ABCA13: variants seen among roughly 807,000 people sequenced by gnomAD.
ABCA13 encodes the protein ATP binding cassette subfamily A member 13, also known as ATP-binding cassette sub-family A member 13.
Under a neutral mutation model 478.7 loss-of-function variants are expected in ABCA13, and 476 were observed. The ratio of observed to expected loss-of-function variants is 0.99; its 90% CI spans 0.92 to 1.07. The LOEUF is 1.07. Among genes scored for constraint, ABCA13 ranks in the 50% least tolerant of loss-of-function variants. The pLI, the probability that ABCA13 is intolerant of heterozygous loss-of-function variation, is 0.00. For missense variants in ABCA13, 6,060 were observed against 5,910.6 expected (o/e 1.03, Z -0.83); for synonymous variants, 2,252 against 2,158.9 (o/e 1.04, Z -1.20).
At chr7:48,506,557 A>G (rs1831227947) in intron 49 of ABCA13, among the ~76,000 whole-genome samples, 167 bp downstream of exon 49, 1 of 152,206 alleles carries the variant, frequency 6.6e-6, no homozygotes. Flanking sequence ...AAAGTGTGAG[A>G]AAAACGACTA....
At chr7:48,187,972 C>G (rs1282360203) in intron 1 of ABCA13, among the ~76,000 whole-genome samples, 1 of 152,040 alleles carries the variant, frequency 6.6e-6, no homozygotes, top group African/African-American at 2.4e-5. Context: ...TTATTGCCAC[C>G]TATACTTGGG....
intron 23 of ABCA13, among the ~76,000 whole-genome samples, chr7:48,308,394 T>A (rs766093483): frequency 1.3e-5 from 2 of 152,198 alleles, no homozygotes; most frequent in African/African-American, 4.8e-5. Context: ...AAAATAATGA[T>A]AATATAGTAT....
intron 42 of ABCA13, among the ~76,000 whole-genome samples, chr7:48,432,920 A>G (rs1414063878): frequency 6.6e-6 from 1 of 152,092 alleles, no homozygotes. Flanking sequence ...ACTGTAGTTA[A>G]TAACGTTTTG....
chr7:48,523,343 G>T (rs1248630446), intron 53 of ABCA13, among the ~76,000 whole-genome samples: 1 of 152,114 alleles, frequency 6.6e-6, no homozygotes. Context: ...CTGGGAGCTT[G>T]CCATGGATAT....
chr7:48,373,053 G>A (rs753817268), intron 33 of ABCA13, among the ~76,000 whole-genome samples: 1 of 152,152 alleles, frequency 6.6e-6, no homozygotes, highest in Non-Finnish European at 1.5e-5. Context: ...CACATAGTAG[G>A]AACTCAATCA....
rs370917914 is a variant in ABCA13, at chr7:48,352,326, C to T, written c.10527C>T (p.His3509=). The change falls in exon 31 of 62, where the codon CAC becomes CAT. Residue 3509 remains histidine, a synonymous_variant. Transcript: ENST00000435803. ...DVVKNPSWKF[H]PQNLPADGFK... is the part of the protein sequence containing the mutation. Reference sequence around the variant, plus strand: ...TAAAAAACCCTTCTTGGAAGTTCCACCCTCAGAATCTACCAGCTGATGGGT... The same window carrying T: ...TAAAAAACCCTTCTTGGAAGTTCCATCCTCAGAATCTACCAGCTGATGGGT... 15 of 1,613,828 alleles carry T rather than the reference C, an allele frequency of 9.3e-6. No homozygotes were observed. In the African/African-American group the frequency reaches 1.2e-4, roughly 13 times the overall value.
chr7:48,462,955 T>C (rs916254477), intron 43 of ABCA13, among the ~76,000 whole-genome samples: 1 of 152,200 alleles, frequency 6.6e-6, no homozygotes, highest in Non-Finnish European at 1.5e-5. Flanking sequence ...GATTTCTTTT[T>C]CCTTTTTGTC....
intron 1 of ABCA13, 129 bp downstream of exon 1, chr7:48,171,681 T>A: frequency 9.6e-7 from 1 of 1,045,026 alleles, no homozygotes. Flanking sequence ...TTTGGGGAGG[T>A]TGGATTATTT....
chr7:48,545,524 A>G (rs1479797605), intron 55 of ABCA13, among the ~76,000 whole-genome samples: 2 of 151,668 alleles, frequency 1.3e-5, no homozygotes, highest in African/African-American at 4.8e-5. Flanking sequence ...AGAAAACACA[A>G]ATCTTTGCAA....
intron 23 of ABCA13, among the ~76,000 whole-genome samples, chr7:48,306,026 T>C (rs1179977192): frequency 6.6e-6 from 1 of 152,236 alleles, no homozygotes; most frequent in Non-Finnish European, 1.5e-5. Flanking sequence ...CAGTGTTGTC[T>C]TTGCTTTTCT....
intron 23 of ABCA13, among the ~76,000 whole-genome samples, chr7:48,300,255 T>A (rs1287143125): frequency 1.3e-5 from 2 of 152,254 alleles, no homozygotes; most frequent in Admixed American, 1.3e-4. Flanking sequence ...ATGCAGGGAA[T>A]ACTCTTCAGT....
rs961673826 is a variant in ABCA13, at chr7:48,646,504, TG to T, written c.*993del. 1.3e-5 allele frequency: 2 copies of T among 151,706 alleles called. No homozygotes were observed. Among genetic ancestry groups the T allele is most frequent in the African/African-American group, 4.8e-5 (2 of 41,256 alleles). The allele number at this position is 151,706 out of a possible 1,614,324, so 9.4% of individuals were successfully genotyped here. On this transcript the variant is annotated 3_prime_UTR_variant, in exon 62 of 62. Transcript: ENST00000435803. ...TTATACAAGCAAAATCTGCATAGTA[TG>T]TAGTCTTTTTTATTTATTTATTTTT...
chr7:48,399,449 TC>T (rs1258096467), intron 38 of ABCA13, among the ~76,000 whole-genome samples: 1 of 152,142 alleles, frequency 6.6e-6, no homozygotes, highest in African/African-American at 2.4e-5. Context: ...TGTGAGTACT[TC>T]CATTAGCTTC....
intron 55 of ABCA13, among the ~76,000 whole-genome samples, chr7:48,568,715 C>G (rs1787320106): frequency 1.3e-5 from 2 of 151,878 alleles, no homozygotes; most frequent in Admixed American, 6.6e-5. Context: ...GTAGAACTCA[C>G]CAGTGAAACC....
chr7:48,295,165 C>G (rs1799191019), intron 20 of ABCA13, among the ~76,000 whole-genome samples: 1 of 152,178 alleles, frequency 6.6e-6, no homozygotes, highest in Non-Finnish European at 1.5e-5. Context: ...CAAGGTTTCC[C>G]TATCCTGCAC....
chr7:48,251,374 G>T (rs565124023), intron 15 of ABCA13, among the ~76,000 whole-genome samples: 1 of 152,226 alleles, frequency 6.6e-6, no homozygotes, highest in East Asian at 1.9e-4. Context: ...TGATTATCTT[G>T]TTTAATCCTC....
chr7:48,365,820 A>G (rs1811573036), intron 31 of ABCA13, among the ~76,000 whole-genome samples: 1 of 152,170 alleles, frequency 6.6e-6, no homozygotes, highest in Non-Finnish European at 1.5e-5. Flanking sequence ...TACAAAGAAA[A>G]CTATGAAATG....
chr7:48,272,112 C>T lies in ABCA13; in HGVS notation c.2446C>T (p.Pro816Ser). Residue 816 changes from proline (P) to serine (S), a missense_variant, in exon 17 of 62, where the codon CCA becomes TCA. By Grantham distance (74) the Pro-to-Ser change is moderately conservative (BLOSUM62 -1). Transcript: ENST00000435803. ...TLGSHWIRKE[P>S]KNLLRFIELI... ...CGGAAGTCACTGGATAAGGAAGGAA[C>T]CAAAAAATCTTTTGAGATTCATAGA... 1.2e-6 allele frequency: 2 copies of T among 1,613,408 alleles called. No individual in the cohort carries two copies. The highest frequency in any genetic ancestry group is 1.7e-6 in the Non-Finnish European group (2 of 1,179,660).
At chr7:48,479,782 C>G (rs138570812) in intron 45 of ABCA13, among the ~76,000 whole-genome samples, 181 of 152,302 alleles carry the variant, frequency 1.2e-3, no homozygotes, top group African/African-American at 4.0e-3. Context: ...TATCTTTCCT[C>G]AAGCCTTTCT....
Sources: allele counts gnomAD v4.1 joint callset (sites outside exome capture counted in the v4.1 genomes callset), GRCh38; gene constraint gnomAD v4.1.1; transcripts MANE v1.5; gene names NCBI Gene and HGNC (gene_info 2026-07-23, HGNC 2026-07-21).